PDE7B: variants seen among roughly 807,000 people sequenced by gnomAD.
The protein encoded by PDE7B is phosphodiesterase 7B, also known as 3',5'-cyclic-AMP phosphodiesterase 7B.
PDE7B carries 29 observed loss-of-function variants against 56.2 expected under a neutral mutation model. The observed-to-expected ratio is 0.52, with a 90% CI of 0.38 to 0.70. PDE7B has a LOEUF of 0.70. Ranked by LOEUF, PDE7B falls within the 30% of genes least tolerant of loss-of-function variation. The probability of loss-of-function intolerance (pLI) is 0.00; values close to 1 mark genes in which losing one functional copy is unlikely to be tolerated. For missense variants in PDE7B, 490 were observed against 565.0 expected, an observed-to-expected ratio of 0.87 and a Z score of 1.35; for synonymous variants, 197 against 196.9, an observed-to-expected ratio of 1.00 and a Z score of 0.00.
intron 2 of PDE7B, among the ~76,000 whole-genome samples, chr6:136,048,164 C>T (rs978362322): frequency 2.0e-5 from 3 of 152,064 alleles, no homozygotes; most frequent in Non-Finnish European, 4.4e-5. Context: ...AAGTCTGTGC[C>T]AATTGCCAAC....
rs1435417669 is a variant in PDE7B at position 136,056,644 on chromosome 6, G to A, written c.83-52087G>A. Among the ~76,000 whole-genome samples the A allele has an allele frequency of 1.4e-5, 2 of 140,296 alleles. 1 individual carries two copies. The highest frequency in any genetic ancestry group is 5.3e-5 in the African/African-American group (2 of 37,598). The allele number at this position is 140,296 out of a possible 152,430, so 92.0% of individuals were successfully genotyped here. ...CCTCCTGGGTTCAATCGATTCTCCT[G>A]CCACAGCCTCCCAAATAGCTGGGAT... On this transcript the variant is annotated intron_variant, in intron 2 of 12. Coordinates refer to ENST00000308191, the MANE Select transcript of PDE7B (RefSeq NM_018945.4).
At chr6:136,155,591 T>C (rs551412971) in intron 7 of PDE7B, 36 bp from the exon 8 acceptor site, 4 of 1,574,064 alleles carry the variant, frequency 2.5e-6, no homozygotes, top group African/African-American at 1.3e-5. Flanking sequence ...TTTGTGAAAA[T>C]ACACCAATCA....
chr6:135,950,140 G>A (rs1774672436), intron 2 of PDE7B, among the ~76,000 whole-genome samples: 1 of 152,050 alleles, frequency 6.6e-6, no homozygotes. Flanking sequence ...ATAAAAGAAA[G>A]AAGTAAAGTT....
chr6:136,189,033 A>G (rs1183750253), intron 12 of PDE7B, among the ~76,000 whole-genome samples: 1 of 151,798 alleles, frequency 6.6e-6, no homozygotes, highest in African/African-American at 2.4e-5. Context: ...CAAGACAACA[A>G]TTTTTCCAGT....
At chr6:135,885,053 T>A (rs1775677957) in intron 1 of PDE7B, among the ~76,000 whole-genome samples, 1 of 152,072 alleles carries the variant, frequency 6.6e-6, no homozygotes, top group South Asian at 2.1e-4. Context: ...AGAACCTGAT[T>A]CAGGGTCTTC....
intron 2 of PDE7B, among the ~76,000 whole-genome samples, chr6:135,967,586 T>A (rs1306282480): frequency 6.6e-6 from 1 of 152,196 alleles, no homozygotes; most frequent in Non-Finnish European, 1.5e-5. Flanking sequence ...ACCTATCTGC[T>A]CTCAGGCACC....
chr6:136,004,568 CAGAG>C (rs1249624369), intron 2 of PDE7B, among the ~76,000 whole-genome samples: 1 of 151,644 alleles, frequency 6.6e-6, no homozygotes, highest in Non-Finnish European at 1.5e-5. Context: ...AACAGACAAA[CAGAG>C]AGCCAAATCA....
chr6:135,962,752 G>A (rs1774925429), intron 2 of PDE7B, among the ~76,000 whole-genome samples: 1 of 152,116 alleles, frequency 6.6e-6, no homozygotes. Flanking sequence ...CTGCATCTTA[G>A]AGTTGAGTCA....
At chr6:136,005,289 C>T (rs1316751022) in intron 2 of PDE7B, among the ~76,000 whole-genome samples, 3 of 152,168 alleles carry the variant, frequency 2.0e-5, no homozygotes, top group South Asian at 4.1e-4. Flanking sequence ...AGGACATAGG[C>T]ATGGGCAAGG....
chr6:136,191,399 G>T (rs1327007238), intron 12 of PDE7B, among the ~76,000 whole-genome samples: 2 of 152,226 alleles, frequency 1.3e-5, no homozygotes, highest in African/African-American at 4.8e-5. Context: ...GGGCACAGTG[G>T]CTCAGGCCCG....
chr6:136,154,521 C>T (rs1778575885), intron 7 of PDE7B, among the ~76,000 whole-genome samples: 1 of 151,980 alleles, frequency 6.6e-6, no homozygotes, highest in Admixed American at 6.5e-5. Flanking sequence ...ACAAACAGCA[C>T]CAGCATTGAA....
chr6:136,072,878 C>G, intron 2 of PDE7B: 1 of 152,176 alleles, frequency 6.6e-6, no homozygotes, highest in East Asian at 1.9e-4. Context: ...GTCAGGTGTC[C>G]GTTTTGGATC....
chr6:136,187,540 T>A lies in PDE7B; in HGVS notation c.1126+424T>A, dbSNP rs572456016. Among the ~76,000 whole-genome samples, 239 of 152,222 alleles carry A rather than the reference T, an allele frequency of 1.6e-3. 2 individuals are homozygous for A. Among genetic ancestry groups the A allele is most frequent in the African/African-American group, 5.5e-3 (230 of 41,542 alleles). On this transcript the variant is annotated intron_variant, in intron 12 of 12. Transcript: ENST00000308191. Reference sequence around the variant, plus strand: ...AATGCTCGCTCCCAAGAACCCAATCTCTAGGCCTAGAGCTTGTGAGCCATG... The same window carrying A: ...AATGCTCGCTCCCAAGAACCCAATCACTAGGCCTAGAGCTTGTGAGCCATG...
At chr6:135,914,736 G>T (rs1562437400) in intron 1 of PDE7B, among the ~76,000 whole-genome samples, 1 of 45,820 alleles carries the variant, frequency 2.2e-5, no homozygotes, top group Admixed American at 1.9e-4. Context: ...TGATCCGCCC[G>T]CCTCGGCCTC....
intron 2 of PDE7B, chr6:136,012,765 C>CA (rs1433696768): frequency 6.6e-6 from 1 of 152,112 alleles, no homozygotes. Flanking sequence ...AAGAGGTAGT[C>CA]AAACATATAA....
intron 12 of PDE7B, among the ~76,000 whole-genome samples, chr6:136,191,168 A>G (rs1247862715): frequency 6.6e-6 from 1 of 152,106 alleles, no homozygotes; most frequent in Non-Finnish European, 1.5e-5. Flanking sequence ...CGAGTTTAGT[A>G]TTCTCTTTAG....
chr6:136,171,712 G>C (rs1778886141), intron 8 of PDE7B, among the ~76,000 whole-genome samples: 1 of 151,326 alleles, frequency 6.6e-6, no homozygotes, highest in African/African-American at 2.4e-5. Flanking sequence ...ATGTATACAT[G>C]TGCCATGCTG....
intron 2 of PDE7B, among the ~76,000 whole-genome samples, chr6:136,086,531 A>G (rs1157153937): frequency 6.6e-6 from 1 of 151,950 alleles, no homozygotes; most frequent in East Asian, 1.9e-4. Flanking sequence ...TCACTCTCCT[A>G]CTCTTAAGCC....
intron 1 of PDE7B, 100 bp downstream of exon 1, chr6:135,852,119 T>C (rs930913065): frequency 2.1e-5 from 18 of 843,482 alleles, no homozygotes; most frequent in Non-Finnish European, 3.7e-5. Flanking sequence ...TGTACATATA[T>C]ATGTTTTTTG....
Sources: gnomAD v4.1 joint callset for allele counts (sites outside exome capture counted in the v4.1 genomes callset) on GRCh38, gnomAD v4.1.1 for gene constraint, MANE v1.5 for transcripts, NCBI Gene and HGNC (gene_info 2026-07-23, HGNC 2026-07-21) for gene names.